Variants in ANKAR observed in about 807,000 individuals in gnomAD.
ANKAR encodes the protein ankyrin and armadillo repeat-containing protein.
In ANKAR, 136 loss-of-function variants were observed where a neutral mutation model predicts 146.2. That is an observed-to-expected ratio of 0.93 (90% CI 0.81 to 1.07). The LOEUF is 1.07. Among genes scored for constraint, ANKAR ranks in the 50% least tolerant of loss-of-function variants. The pLI, the probability that ANKAR is intolerant of heterozygous loss-of-function variation, is 0.00. For missense variants in ANKAR, 1,567 were observed against 1,679.9 expected (o/e 0.93, Z 1.18); for synonymous variants, 500 against 575.8 (o/e 0.87, Z 1.88).
At position 189,746,476 on chromosome 2, in the gene ANKAR, C is replaced by G; in HGVS notation, c.4154C>G (p.Ala1385Gly). ...PVTNFMGLFKATKKTKDSHNI... is the reference protein window; with the variant it reads ...PVTNFMGLFKGTKKTKDSHNI... ...ACTAACTTCATGGGACTCTTCAAAG[C>G]AACAAAAAAGACCAAGGATTCCCAT... The change falls in exon 23 of 23, where the codon GCA (alanine) becomes GGA (glycine). Residue 1385 changes from alanine to glycine, a missense_variant. Ala to Gly is a moderately conservative substitution (Grantham distance 60, BLOSUM62 0). Transcript: ENST00000684021. The G allele has an allele frequency of 6.2e-7, 1 of 1,613,754 alleles. No individual in the cohort carries two copies. The highest frequency in any genetic ancestry group is 8.5e-7 in the Non-Finnish European group (1 of 1,179,852).
At chr2:189,713,524 G>T (rs2039995059) in intron 10 of ANKAR, among the ~76,000 whole-genome samples, 1 of 152,126 alleles carries the variant, frequency 6.6e-6, no homozygotes, top group South Asian at 2.1e-4. Flanking sequence ...AGCTTCATAA[G>T]TGAAGGAGAA....
intron 10 of ANKAR, 46 bp downstream of exon 10, chr2:189,711,199 G>T: frequency 2.9e-6 from 4 of 1,371,202 alleles, no homozygotes; most frequent in African/African-American, 1.5e-5. Flanking sequence ...TTTATGTAGA[G>T]CTATATTTTA....
downstream of ANKAR, chr2:189,762,642 C>A: frequency 1.0e-6 from 1 of 985,388 alleles, no homozygotes; most frequent in Non-Finnish European, 1.2e-6. Context: ...TTTCCAGGTG[C>A]GCAAAAGCGT....
At chr2:189,707,719 C>T (rs1162091878) in intron 9 of ANKAR, among the ~76,000 whole-genome samples, 2 of 151,166 alleles carry the variant, frequency 1.3e-5, no homozygotes, top group Non-Finnish European at 2.9e-5. Flanking sequence ...CTTTCAAGGC[C>T]CTCACTAAAA....
At chr2:189,710,141 C>T (rs531917088) in intron 9 of ANKAR, among the ~76,000 whole-genome samples, 1 of 152,210 alleles carries the variant, frequency 6.6e-6, no homozygotes, top group African/African-American at 2.4e-5. Context: ...GAGGATGTCA[C>T]GGAATGATAT....
At chr2:189,683,607 G>A (rs1438506831) in intron 2 of ANKAR, among the ~76,000 whole-genome samples, 2 of 152,226 alleles carry the variant, frequency 1.3e-5, no homozygotes, top group East Asian at 3.8e-4. Context: ...TAGAGATTGA[G>A]GGAGTGTACC....
chr2:189,702,661 G>A (rs1030416705), intron 7 of ANKAR, among the ~76,000 whole-genome samples: 7 of 152,204 alleles, frequency 4.6e-5, no homozygotes, highest in Admixed American at 2.0e-4. Flanking sequence ...CTTAAATGCC[G>A]GACCAGAAAC....
chr2:189,726,595 C>G lies in ANKAR; in HGVS notation c.2636-1261C>G, dbSNP rs1056988385. Among the ~76,000 whole-genome samples, 11 of 152,238 alleles carry G rather than the reference C, an allele frequency of 7.2e-5. No individual in the cohort carries two copies. In the East Asian group the frequency reaches 2.1e-3, roughly 29 times the overall value. ...TATGTCATAAGAGACCAAAAAACCC[C>G]TGAGAAAAGGTTCCAGATAATAGAA... On this transcript the variant is annotated intron_variant, in intron 12 of 22. Coordinates refer to ENST00000684021, the MANE Select transcript of ANKAR (RefSeq NM_001378068.1).
downstream of ANKAR, among the ~76,000 whole-genome samples, chr2:189,748,774 AC>A (rs1423667575): frequency 6.6e-6 from 1 of 152,208 alleles, no homozygotes; most frequent in African/African-American, 2.4e-5. Context: ...TTAGAGAGCA[AC>A]TTTTGAGCTC....
chr2:189,733,335 A>T, intron 17 of ANKAR, 106 bp downstream of exon 17: 1 of 960,670 alleles, frequency 1.0e-6, no homozygotes, highest in Non-Finnish European at 1.5e-6. Context: ...TGTATTGTTT[A>T]AGAAAAGACA....
rs2042121790 is a variant in ANKAR at position 189,728,724 on chromosome 2, G to C, written c.3096G>C (p.Gly1032=). 6.2e-7 allele frequency: 1 copy of C among 1,614,062 alleles called. No individual in the cohort carries two copies. The highest frequency in any genetic ancestry group is 1.1e-5 in the South Asian group (1 of 91,086). The change falls in exon 15 of 23, where the codon GGG becomes GGC. Residue 1032 remains glycine, a synonymous_variant. Transcript: ENST00000684021. ...TGCATCAAAATCAAATATGTGAAGG[G>C]AATGGAATTGCACCATTGGTTCGCT... ...SRMHQNQICE[G]NGIAPLVRLL...
chr2:189,735,434 G>A (rs2042759459), intron 17 of ANKAR, among the ~76,000 whole-genome samples: 1 of 152,176 alleles, frequency 6.6e-6, no homozygotes, highest in Non-Finnish European at 1.5e-5. Context: ...CAAACTACCT[G>A]CCCTGCAGAG....
At chr2:189,731,381 T>TC (rs2042383061) in intron 16 of ANKAR, among the ~76,000 whole-genome samples, 1 of 149,250 alleles carries the variant, frequency 6.7e-6, no homozygotes, top group Admixed American at 6.6e-5. Context: ...TTTTTCTTTT[T>TC]TTTTTTTTTT....
intron 7 of ANKAR, among the ~76,000 whole-genome samples, chr2:189,704,320 A>AT (rs972120874): frequency 6.7e-6 from 1 of 150,114 alleles, no homozygotes; most frequent in African/African-American, 2.4e-5. Context: ...TTTTTTTTGT[A>AT]TTTTTAGTAG....
intron 11 of ANKAR, 77 bp downstream of exon 11, chr2:189,719,890 C>A: frequency 1.5e-6 from 2 of 1,356,116 alleles, no homozygotes; most frequent in Non-Finnish European, 2.0e-6. Flanking sequence ...TAGAAACCCA[C>A]GTTACTATTC....
At chr2:189,692,206 T>C (rs1320958330) in intron 3 of ANKAR, 49 bp from the exon 4 acceptor site, 1 of 1,485,040 alleles carries the variant, frequency 6.7e-7, no homozygotes, top group Non-Finnish European at 9.1e-7. Context: ...AAAATATGAC[T>C]TTATGTGCTG....
At chr2:189,759,839 G>C (rs1028398408) in intron 18 of ANKAR, among the ~76,000 whole-genome samples, 2 of 152,114 alleles carry the variant, frequency 1.3e-5, no homozygotes, top group African/African-American at 4.8e-5. Context: ...GACAATAGTG[G>C]AGAGAAGGTC....
At chr2:189,745,653 A>C (rs969001301) in intron 22 of ANKAR, among the ~76,000 whole-genome samples, 1 of 152,210 alleles carries the variant, frequency 6.6e-6, no homozygotes, top group African/African-American at 2.4e-5. Flanking sequence ...GTGTAGGACC[A>C]AAATCAGTCT....
intron 11 of ANKAR, among the ~76,000 whole-genome samples, 192 bp downstream of exon 11, chr2:189,720,005 T>C (rs1013422418): frequency 6.6e-6 from 1 of 152,130 alleles, no homozygotes; most frequent in African/African-American, 2.4e-5. Context: ...CAGAAGTAGA[T>C]GAGGGAGTAT....
Sources: allele counts gnomAD v4.1 joint callset (sites outside exome capture counted in the v4.1 genomes callset), GRCh38; gene constraint gnomAD v4.1.1; transcripts MANE v1.5; gene names NCBI Gene and HGNC (gene_info 2026-07-23, HGNC 2026-07-21).